The following TLK1 variants were observed in gnomAD, a reference collection of about 807,000 sequenced individuals.
TLK1 encodes tousled like kinase 1, also known as serine/threonine-protein kinase tousled-like 1.
Under a neutral mutation model 105.3 loss-of-function variants are expected in TLK1, and 24 were observed. The observed-to-expected ratio is 0.23, with a 90% CI of 0.17 to 0.32. The LOEUF (loss-of-function observed/expected upper bound fraction) is 0.32, where lower values mean the gene tolerates loss of function less well. Among genes scored for constraint, TLK1 ranks in the 10% least tolerant of loss-of-function variants. TLK1 has a pLI of 1.00. For missense variants in TLK1, 558 were observed against 910.5 expected (o/e 0.61, Z 4.98); for synonymous variants, 321 against 310.4 (o/e 1.03, Z -0.36).
chr2:171,089,965 C>T (rs920864364), intron 2 of TLK1, among the ~76,000 whole-genome samples: 1 of 152,116 alleles, frequency 6.6e-6, no homozygotes, highest in East Asian at 1.9e-4. Flanking sequence ...ATTTTGGAAT[C>T]AGCTTGTTAC....
chr2:171,023,605 A>G (rs1482100879), intron 12 of TLK1, among the ~76,000 whole-genome samples: 1 of 152,226 alleles, frequency 6.6e-6, no homozygotes, highest in Non-Finnish European at 1.5e-5. Flanking sequence ...CATGCTGTTC[A>G]TATCACAAAT....
intron 11 of TLK1, among the ~76,000 whole-genome samples, chr2:171,028,835 C>T (rs1183100617): frequency 2.0e-5 from 3 of 151,886 alleles, no homozygotes; most frequent in Admixed American, 1.3e-4. Context: ...TAAAAAAAAC[C>T]ACGTGATGAA....
At chr2:171,190,095 A>G (rs894805613) in intron 1 of TLK1, among the ~76,000 whole-genome samples, 3 of 152,224 alleles carry the variant, frequency 2.0e-5, no homozygotes, top group Non-Finnish European at 4.4e-5. Flanking sequence ...TTTAGCTGCA[A>G]TAATTAATAT....
rs938282767 is a variant in TLK1 at position 171,012,489 on chromosome 2, A to T, written c.1335-1035T>A. Among the ~76,000 whole-genome samples, 27 of 151,960 alleles carry T rather than the reference A, an allele frequency of 1.8e-4. No homozygotes were observed. In the South Asian group the frequency reaches 1.9e-3, roughly 11 times the overall value. ...ACACTGTATTTTTATTTATTTATTT[A>T]TTTTTTTATTTTTTGGAGACAGAGT... On this transcript the variant is annotated intron_variant, in intron 13 of 20. Coordinates refer to ENST00000431350, the MANE Select transcript of TLK1 (RefSeq NM_012290.5).
intron 1 of TLK1, among the ~76,000 whole-genome samples, chr2:171,195,939 G>A (rs1260965804): frequency 6.6e-6 from 1 of 151,954 alleles, no homozygotes; most frequent in Non-Finnish European, 1.5e-5. Context: ...ACTCACCTGG[G>A]AGGTGGGAGA....
intron 5 of TLK1, among the ~76,000 whole-genome samples, chr2:171,057,015 A>G (rs1450963546): frequency 6.6e-6 from 1 of 152,062 alleles, no homozygotes; most frequent in African/African-American, 2.4e-5. Flanking sequence ...TTCTCAAGAT[A>G]CCCAAGTGTT....
chr2:171,157,691 T>C (rs1408913813), intron 1 of TLK1, among the ~76,000 whole-genome samples: 3 of 152,184 alleles, frequency 2.0e-5, no homozygotes, highest in Non-Finnish European at 4.4e-5. Context: ...AGGTTTGTGG[T>C]TTCAAATGTC....
rs558637769 is a variant in TLK1 at position 171,027,284 on chromosome 2, C to T, written c.1236+1055G>A. Among the ~76,000 whole-genome samples, 19 of 152,020 alleles carry T rather than the reference C, an allele frequency of 1.2e-4. 1 individual carries two copies. In the South Asian group the frequency reaches 2.9e-3, roughly 23 times the overall value. ...CAGCCTATTTAAAAAATTGAAAGAA[C>T]CTGACAAGCAGAAAGCACAAAAAAT... On this transcript the variant is annotated intron_variant, in intron 12 of 20. Transcript: ENST00000431350.
At chr2:171,184,035 CG>C (rs892274507) in intron 1 of TLK1, among the ~76,000 whole-genome samples, 1 of 152,092 alleles carries the variant, frequency 6.6e-6, no homozygotes, top group Non-Finnish European at 1.5e-5. Context: ...TCTAATCACA[CG>C]GGTCCTTCAA....
chr2:171,067,419 C>G (rs1040833229), intron 3 of TLK1, among the ~76,000 whole-genome samples: 2 of 152,166 alleles, frequency 1.3e-5, no homozygotes, highest in African/African-American at 2.4e-5. Flanking sequence ...CCTCGGCCTC[C>G]CAAAGTGCTG....
intron 3 of TLK1, among the ~76,000 whole-genome samples, chr2:171,076,912 C>CA (rs1485597089): frequency 5.4e-5 from 8 of 147,408 alleles, no homozygotes; most frequent in African/African-American, 7.8e-5. Context: ...GACTCTGTCT[C>CA]AAAAAAAAGA....
chr2:171,104,590 T>G (rs937280074), intron 2 of TLK1, among the ~76,000 whole-genome samples: 3 of 152,124 alleles, frequency 2.0e-5, no homozygotes, highest in African/African-American at 7.2e-5. Context: ...AGACTCTGAA[T>G]AGCCAAAGCA....
At chr2:171,176,589 C>T (rs543646298) in intron 1 of TLK1, among the ~76,000 whole-genome samples, 8 of 152,332 alleles carry the variant, frequency 5.3e-5, no homozygotes, top group Non-Finnish European at 7.4e-5. Flanking sequence ...TGATCTGCTA[C>T]GCATTAAAAG....
chr2:171,132,720 C>T (rs888346338), intron 1 of TLK1, among the ~76,000 whole-genome samples: 5 of 152,018 alleles, frequency 3.3e-5, no homozygotes, highest in African/African-American at 1.2e-4. Context: ...CTCAACAAAA[C>T]ATCAAAAAAT....
chr2:170,997,451 A>T (rs1684120177), intron 19 of TLK1, among the ~76,000 whole-genome samples: 1 of 152,192 alleles, frequency 6.6e-6, no homozygotes, highest in African/African-American at 2.4e-5. Flanking sequence ...TATTCCCAAT[A>T]GCAGACAAAT....
At chr2:171,039,390 CA>C (rs1418586091) in intron 11 of TLK1, among the ~76,000 whole-genome samples, 1 of 152,046 alleles carries the variant, frequency 6.6e-6, no homozygotes, top group Non-Finnish European at 1.5e-5. Flanking sequence ...CTCAGCCCCT[CA>C]AGTAGCTGGG....
intron 11 of TLK1, among the ~76,000 whole-genome samples, chr2:171,032,684 T>C (rs1366466409): frequency 1.3e-5 from 2 of 152,092 alleles, no homozygotes; most frequent in Non-Finnish European, 2.9e-5. Flanking sequence ...TATATACCTA[T>C]GAAATAGATC....
chr2:171,004,295 G>A (rs1040099154), intron 18 of TLK1, among the ~76,000 whole-genome samples: 2 of 151,776 alleles, frequency 1.3e-5, no homozygotes, highest in Non-Finnish European at 2.9e-5. Flanking sequence ...TACATGGTTC[G>A]TCAGTGAGAT....
chr2:171,170,102 T>C (rs1189138201), intron 1 of TLK1, among the ~76,000 whole-genome samples: 1 of 152,142 alleles, frequency 6.6e-6, no homozygotes, highest in Non-Finnish European at 1.5e-5. Context: ...TAAATGTAGA[T>C]TCCCTATTAA....
Sources: allele counts gnomAD v4.1 joint callset (sites outside exome capture counted in the v4.1 genomes callset), GRCh38; gene constraint gnomAD v4.1.1; transcripts MANE v1.5; gene names NCBI Gene and HGNC (gene_info 2026-07-23, HGNC 2026-07-21).